Variants in XKR9 observed in about 807,000 individuals in gnomAD.
XKR9 encodes the protein XK-related protein 9.
XKR9 carries 32 observed loss-of-function variants against 32.0 expected under a neutral mutation model. The ratio of observed to expected loss-of-function variants is 1.00; its 90% CI spans 0.76 to 1.34. XKR9 has a LOEUF of 1.34. Among genes scored for constraint, XKR9 ranks in the 40% most tolerant of loss-of-function variants. The pLI is 0.00. For synonymous variants in XKR9, 168 were observed against 143.4 expected (o/e 1.17, Z -1.22); for missense variants, 546 against 429.7 (o/e 1.27, Z -2.39).
At chr8:70,950,675 C>T in the XKR9 span, among the ~76,000 whole-genome samples, 1 of 123,884 alleles carries the variant, frequency 8.1e-6, no homozygotes, top group African/African-American at 2.6e-5. Flanking sequence ...TTTTTCTATT[C>T]TTTGTTTTTT....
In XKR9 at chr8:70,772,791, G is replaced by A. The variant is rs181206206; in HGVS notation, n.353-16548G>A. 1.4e-4 allele frequency among the ~76,000 whole-genome samples: 22 copies of A among 152,234 alleles called. 1 individual carries two copies. In the East Asian group the frequency reaches 4.2e-3, roughly 29 times the overall value. ...CTTCTTGATTTCTAATTCATGTGTT[G>A]CAAGTCTTTGCTTTTTAGGACTTGC... On this transcript the variant is annotated intron_variant and non_coding_transcript_variant, in intron 2 of 3. Transcript: ENST00000520273.
intron 2 of XKR9, among the ~76,000 whole-genome samples, chr8:70,765,674 G>C (rs199885952): frequency 2.0e-5 from 3 of 152,078 alleles, no homozygotes; most frequent in Admixed American, 6.6e-5. Flanking sequence ...TCATGAAGTC[G>C]TTGCCTATGC....
the XKR9 span, among the ~76,000 whole-genome samples, chr8:70,870,568 T>C: frequency 6.6e-6 from 1 of 152,188 alleles, no homozygotes; most frequent in Non-Finnish European, 1.5e-5. Flanking sequence ...GCTTTGTGCT[T>C]ATATAGGAAA....
the XKR9 span, among the ~76,000 whole-genome samples, chr8:70,973,840 T>C: frequency 6.6e-6 from 1 of 152,218 alleles, no homozygotes; most frequent in African/African-American, 2.4e-5. Context: ...TGATATAATT[T>C]TGATTTTTTA....
intron 2 of XKR9, among the ~76,000 whole-genome samples, chr8:70,782,009 G>T (rs560707047): frequency 1.3e-5 from 2 of 152,158 alleles, no homozygotes; most frequent in African/African-American, 2.4e-5. Context: ...AACTATGATT[G>T]TAAATTATAA....
chr8:71,038,569 C>T, the XKR9 span, among the ~76,000 whole-genome samples: 2 of 151,472 alleles, frequency 1.3e-5, no homozygotes, highest in Non-Finnish European at 2.9e-5. Flanking sequence ...TCACCCACCT[C>T]GGCATCCAAA....
the XKR9 span, among the ~76,000 whole-genome samples, chr8:70,976,055 G>T: frequency 6.6e-6 from 1 of 152,192 alleles, no homozygotes; most frequent in Non-Finnish European, 1.5e-5. Flanking sequence ...TCTGTTATTT[G>T]TGTATAAGAA....
chr8:71,018,043 C>T, the XKR9 span, among the ~76,000 whole-genome samples: 15 of 152,176 alleles, frequency 9.9e-5, 1 homozygote, highest in African/African-American at 3.4e-4. Context: ...TTTTTTTCCT[C>T]TGACTCTTAT....
the XKR9 span, among the ~76,000 whole-genome samples, chr8:70,902,309 T>G: frequency 1.3e-5 from 2 of 152,222 alleles, no homozygotes; most frequent in Non-Finnish European, 1.5e-5. Flanking sequence ...TCGATTTGTT[T>G]GTGTCCTCTT....
the XKR9 span, among the ~76,000 whole-genome samples, chr8:71,018,134 A>G: frequency 6.6e-6 from 1 of 152,180 alleles, no homozygotes; most frequent in African/African-American, 2.4e-5. Flanking sequence ...AGAAGAAGTA[A>G]AGAATAGGCA....
At chr8:70,854,353 G>A in the XKR9 span, among the ~76,000 whole-genome samples, 7 of 152,022 alleles carry the variant, frequency 4.6e-5, no homozygotes, top group Admixed American at 1.3e-4. Context: ...CATATCCTTC[G>A]CCCACTTGTT....
intron 3 of XKR9, among the ~76,000 whole-genome samples, chr8:70,692,510 A>G (rs1217044464): frequency 1.3e-5 from 2 of 151,842 alleles, no homozygotes; most frequent in Non-Finnish European, 2.9e-5. Flanking sequence ...TTTCAAGGGG[A>G]ATGCTTCCAG....
intron 3 of XKR9, among the ~76,000 whole-genome samples, chr8:70,697,968 G>T (rs1805350848): frequency 1.3e-5 from 2 of 152,212 alleles, no homozygotes; most frequent in Non-Finnish European, 2.9e-5. Flanking sequence ...TAGTTTATTT[G>T]TGTAGAGGTG....
intron 2 of XKR9, among the ~76,000 whole-genome samples, chr8:70,745,099 C>T (rs1807039721): frequency 6.7e-6 from 1 of 149,952 alleles, no homozygotes; most frequent in Non-Finnish European, 1.5e-5. Flanking sequence ...AAGTGTCCCA[C>T]ACAAACATAG....
chr8:70,869,824 T>C, the XKR9 span, among the ~76,000 whole-genome samples: 1 of 152,174 alleles, frequency 6.6e-6, no homozygotes. Flanking sequence ...ACCCACAACA[T>C]TTTCTTTTCT....
At chr8:70,972,656 G>A in the XKR9 span, among the ~76,000 whole-genome samples, 1 of 152,114 alleles carries the variant, frequency 6.6e-6, no homozygotes, top group Admixed American at 6.6e-5. Context: ...CAATTTTACT[G>A]AGGGTTTTAA....
chr8:70,793,491 G>A (rs766110314), downstream of XKR9, among the ~76,000 whole-genome samples: 2 of 152,040 alleles, frequency 1.3e-5, no homozygotes, highest in Non-Finnish European at 2.9e-5. Context: ...ACTCTGCAGA[G>A]TACACCCCAC....
chr8:70,690,500 G>GTTTTTTTT (rs71566233), intron 3 of XKR9, among the ~76,000 whole-genome samples: 1 of 140,792 alleles, frequency 7.1e-6, no homozygotes, highest in Admixed American at 7.1e-5. Flanking sequence ...TGCCCAGCTA[G>GTTTTTTTT]TTTTTTTTTT....
At chr8:71,034,886 T>C in the XKR9 span, among the ~76,000 whole-genome samples, 1 of 152,210 alleles carries the variant, frequency 6.6e-6, no homozygotes, top group Admixed American at 6.5e-5. Context: ...CTGGAATATC[T>C]ATCTTTCCAA....
Sources: allele counts gnomAD v4.1 joint callset (sites outside exome capture counted in the v4.1 genomes callset), GRCh38; gene constraint gnomAD v4.1.1; transcripts MANE v1.5; gene names NCBI Gene and HGNC (gene_info 2026-07-23, HGNC 2026-07-21).